The following ADAM18 variants were observed in gnomAD, a reference collection of about 807,000 sequenced individuals.
ADAM18 encodes disintegrin and metalloproteinase domain-containing protein 18.
In ADAM18, 117 loss-of-function variants were observed where a neutral mutation model predicts 94.4. That is an observed-to-expected ratio of 1.24 (90% confidence interval 1.07 to 1.45). ADAM18 has a LOEUF of 1.45. ADAM18 is among the 40% of genes most tolerant of loss of function. The pLI is 0.00. For missense variants in ADAM18, 936 were observed against 880.0 expected (o/e 1.06, Z -0.81); for synonymous variants, 327 against 291.6 (o/e 1.12, Z -1.24).
At position 39,637,690 on chromosome 8, in the gene ADAM18, G is replaced by A. The variant is rs781666226; in HGVS notation, c.814G>A (p.Ala272Thr). ...TCTCATCCTACGGCCCCATGACATA[G>A]CATACTTACTTGTGTAAGCACAATG... Reference protein sequence around the residue: ...DYLILRPHDIAYLLVYRKHPK... With the variant: ...DYLILRPHDITYLLVYRKHPK... Residue 272 changes from alanine (A) to threonine (T), a missense_variant, in exon 9 of 20, where the codon GCA (alanine) becomes ACA (threonine). Transcript: ENST00000265707. The A allele has an allele frequency of 1.2e-6, 2 of 1,603,672 alleles. No homozygotes were observed. Among genetic ancestry groups the A allele is most frequent in the African/African-American group, 1.3e-5 (1 of 74,454 alleles).
chr8:39,643,078 T>A (rs906476731), intron 10 of ADAM18, among the ~76,000 whole-genome samples: 2 of 152,160 alleles, frequency 1.3e-5, no homozygotes, highest in East Asian at 3.8e-4. Flanking sequence ...GACTTGGCTC[T>A]TGGCTTGATT....
Position 39,677,525 on chromosome 8 carries a change from T to G in ADAM18, c.1620T>G (p.Pro540=). 2.5e-6 allele frequency: 4 copies of G among 1,600,646 alleles called. No individual in the cohort carries two copies. The highest frequency in any genetic ancestry group is 3.4e-6 in the Non-Finnish European group (4 of 1,175,454). Residue 540 remains proline, a synonymous_variant, in exon 15 of 20, where the codon CCT becomes CCG. Transcript: ENST00000265707. ...NCGFKNSQPL[P]CERKDVLCGK... ...GTTTTAAAAATTCACAACCATTACC[T>G]TGTGAACGGAAGTACGTATGTAGAA...
intron 17 of ADAM18, among the ~76,000 whole-genome samples, chr8:39,694,015 G>T (rs1049287303): frequency 3.3e-5 from 5 of 150,964 alleles, no homozygotes; most frequent in African/African-American, 1.2e-4. Flanking sequence ...TTTTATTAAT[G>T]ATATACTTTT....
chr8:39,595,750 T>C (rs1052034775), intron 2 of ADAM18, among the ~76,000 whole-genome samples: 9 of 152,024 alleles, frequency 5.9e-5, no homozygotes, highest in African/African-American at 1.9e-4. Flanking sequence ...TTTCAAACTC[T>C]TGACCTCAAG....
intron 18 of ADAM18, among the ~76,000 whole-genome samples, chr8:39,707,541 C>T (rs1822273307): frequency 6.6e-6 from 1 of 152,158 alleles, no homozygotes; most frequent in Admixed American, 6.5e-5. Context: ...TGAGATACAT[C>T]TGCAAAACCG....
intron 18 of ADAM18, 117 bp downstream of exon 18, chr8:39,707,021 A>G (rs1220296704): frequency 1.7e-6 from 1 of 595,004 alleles, no homozygotes; most frequent in Non-Finnish European, 3.0e-6. Flanking sequence ...GTCCCTCCTT[A>G]TTTGTGGGGG....
intron 13 of ADAM18, among the ~76,000 whole-genome samples, chr8:39,667,566 CA>C (rs1821025018): frequency 1.3e-5 from 2 of 152,146 alleles, no homozygotes; most frequent in South Asian, 4.2e-4. Flanking sequence ...AAAAGTAAAA[CA>C]GATAGATTGT....
rs534007640 is a variant in ADAM18 at position 39,620,070 on chromosome 8, T to A, written c.523-9304T>A. 1.1e-4 allele frequency among the ~76,000 whole-genome samples: 17 copies of A among 152,130 alleles called. No homozygotes were observed. The South Asian group carries it at 2.9e-3, about 26-fold the overall frequency. ...AAACAGAACTATGCATTTACAGCCA[T>A]CCTTTTTTATTTTTTATTTTTTGAC... On this transcript the variant is annotated intron_variant, in intron 6 of 19. Coordinates refer to ENST00000265707, the MANE Select transcript of ADAM18 (RefSeq NM_014237.3).
chr8:39,591,485 A>G (rs1818568715), intron 2 of ADAM18, among the ~76,000 whole-genome samples: 1 of 152,140 alleles, frequency 6.6e-6, no homozygotes, highest in South Asian at 2.1e-4. Flanking sequence ...ATCTCAGGAA[A>G]CCAACTTCTT....
intron 12 of ADAM18, 114 bp downstream of exon 12, chr8:39,648,641 C>G: frequency 1.0e-6 from 1 of 982,546 alleles, no homozygotes; most frequent in East Asian, 2.8e-5. Flanking sequence ...TAATTTATAA[C>G]TGAAATATGA....
chr8:39,689,062 T>G (rs1237105544), intron 16 of ADAM18, among the ~76,000 whole-genome samples: 3 of 152,212 alleles, frequency 2.0e-5, no homozygotes, highest in Admixed American at 6.5e-5. Context: ...TGGCTTTTTT[T>G]TTCTTGTAAC....
At chr8:39,598,510 G>C (rs1218353201) in intron 2 of ADAM18, among the ~76,000 whole-genome samples, 1 of 152,042 alleles carries the variant, frequency 6.6e-6, no homozygotes, top group African/African-American at 2.4e-5. Flanking sequence ...GCTCACACCT[G>C]TAATTCTAGC....
intron 16 of ADAM18, among the ~76,000 whole-genome samples, chr8:39,689,192 CA>C (rs1821698778): frequency 6.6e-6 from 1 of 152,120 alleles, no homozygotes; most frequent in South Asian, 2.1e-4. Context: ...TTTTGCTGTG[CA>C]GAAGTTCTTT....
intron 18 of ADAM18, among the ~76,000 whole-genome samples, chr8:39,720,935 G>C (rs1822726104): frequency 6.6e-6 from 1 of 151,350 alleles, no homozygotes; most frequent in African/African-American, 2.4e-5. Flanking sequence ...ATTCACAGCA[G>C]CACTATTCAT....
intron 16 of ADAM18, among the ~76,000 whole-genome samples, chr8:39,687,670 T>C (rs2129580755): frequency 6.6e-6 from 1 of 152,294 alleles, no homozygotes; most frequent in Non-Finnish European, 1.5e-5. Context: ...ATTTTTTTAC[T>C]GCCATGTGTA....
At chr8:39,590,853 A>G (rs533315159) in intron 2 of ADAM18, among the ~76,000 whole-genome samples, 1 of 152,208 alleles carries the variant, frequency 6.6e-6, no homozygotes, top group Non-Finnish European at 1.5e-5. Context: ...CCTTCTGGTT[A>G]TTTTCCTGTT....
At chr8:39,699,273 G>A (rs1822002390) in intron 17 of ADAM18, among the ~76,000 whole-genome samples, 2 of 152,012 alleles carry the variant, frequency 1.3e-5, no homozygotes, top group Admixed American at 6.6e-5. Context: ...GTTTAATAAT[G>A]TACATCATAT....
intron 7 of ADAM18, among the ~76,000 whole-genome samples, chr8:39,632,988 G>A (rs1464918504): frequency 1.3e-5 from 2 of 152,116 alleles, no homozygotes; most frequent in East Asian, 3.9e-4. Flanking sequence ...TGTCATGAAA[G>A]CTCCTTCCCT....
chr8:39,670,089 G>GT (rs969631439), intron 14 of ADAM18, among the ~76,000 whole-genome samples: 15 of 152,142 alleles, frequency 9.9e-5, no homozygotes, highest in Middle Eastern at 3.4e-3. Context: ...TTTTTCATGT[G>GT]TTTTTTGGCT....
Sources: allele counts gnomAD v4.1 joint callset (sites outside exome capture counted in the v4.1 genomes callset), GRCh38; gene constraint gnomAD v4.1.1; transcripts MANE v1.5; gene names NCBI Gene and HGNC (gene_info 2026-07-23, HGNC 2026-07-21).